The following ATG2B variants were observed in gnomAD, a reference collection of about 807,000 sequenced individuals.
ATG2B encodes autophagy related 2B, also known as autophagy-related protein 2 homolog B.
ATG2B carries 121 observed loss-of-function variants against 241.3 expected under a neutral mutation model. The ratio of observed to expected loss-of-function variants is 0.50; its 90% CI spans 0.43 to 0.58. ATG2B has a LOEUF of 0.58. Ranked by LOEUF, ATG2B falls within the 20% of genes least tolerant of loss-of-function variation. The pLI, the probability that ATG2B is intolerant of heterozygous loss-of-function variation, is 0.00. For synonymous variants in ATG2B, 858 were observed against 876.6 expected, an observed-to-expected ratio of 0.98 and a Z score of 0.37; for missense variants, 2,306 against 2,491.6, an observed-to-expected ratio of 0.93 and a Z score of 1.59.
In ATG2B at chr14:96,291,692, T is replaced by TA; in HGVS notation, c.5497-11dup. On this transcript the variant is annotated splice_polypyrimidine_tract_variant and intron_variant, in intron 37 of 41. Coordinates refer to ENST00000359933, the MANE Select transcript of ATG2B (RefSeq NM_018036.7). ...TCCCAGCTAGCGTACCCTTCAAAATTAAAAAAGGCCAAATTAACCTTACTG... is the reference window on the plus strand; with the variant it reads ...TCCCAGCTAGCGTACCCTTCAAAATTAAAAAAAGGCCAAATTAACCTTACTG... 1 of 1,590,088 alleles carries TA rather than the reference T, an allele frequency of 6.3e-7. No homozygotes were observed.
At chr14:96,314,434 G>A (rs1169678815) in intron 23 of ATG2B, among the ~76,000 whole-genome samples, 1 of 152,154 alleles carries the variant, frequency 6.6e-6, no homozygotes, top group Non-Finnish European at 1.5e-5. Context: ...ATGCTTTAAA[G>A]CAACATCATA....
At position 96,344,207 on chromosome 14, in the gene ATG2B, C is replaced by T. The variant is rs1019265545; in HGVS notation, c.581+447G>A. On this transcript the variant is annotated intron_variant, in intron 4 of 41. Coordinates refer to ENST00000359933, the MANE Select transcript of ATG2B (RefSeq NM_018036.7). ...TGCACATATTAACCTTAAAATAATC[C>T]GTAGAGGATCCTCAAAACAGTGGCC... Among the ~76,000 whole-genome samples the T allele has an allele frequency of 7.2e-5, 11 of 152,218 alleles. No individual in the cohort carries two copies. In the East Asian group the frequency reaches 9.6e-4, roughly 13 times the overall value.
chr14:96,302,208 C>A, intron 33 of ATG2B, 100 bp from the exon 34 acceptor site: 1 of 709,558 alleles, frequency 1.4e-6, no homozygotes, highest in Non-Finnish European at 2.3e-6. Context: ...ATTCCTATAC[C>A]ATATGAGAAA....
At chr14:96,308,254 A>ATTTT (rs1887034441) in intron 29 of ATG2B, among the ~76,000 whole-genome samples, 1 of 12,436 alleles carries the variant, frequency 8.0e-5, no homozygotes, top group Non-Finnish European at 1.9e-4. Context: ...ATATATATAC[A>ATTTT]CACATATATA....
Position 96,347,188 on chromosome 14 carries a change from G to T in ATG2B, c.316C>A (p.Pro106Thr). 1 of 1,589,252 alleles carries T rather than the reference G, an allele frequency of 6.3e-7. No individual in the cohort carries two copies. The highest frequency in any genetic ancestry group is 1.3e-5 in the African/African-American group (1 of 74,732). ...CATACAACACACCAACCTGGGCGAG[G>T]TCTAGGCCGGAAGACCATTTCTAAT... ...RGLEMVFRPR[P>T]RPATGSEPMY... Residue 106 changes from proline (P) to threonine (T), a missense_variant, in exon 2 of 42, where the codon CCT becomes ACT. Transcript: ENST00000359933.
chr14:96,296,703 G>C (rs11846693), intron 34 of ATG2B, among the ~76,000 whole-genome samples: 52,290 of 150,494 alleles, frequency 0.35, 9,747 homozygotes, highest in Non-Finnish European at 0.42. Flanking sequence ...GGAGGCTGCA[G>C]TGAGCAGAGA....
rs1887801135 is a variant in ATG2B, at chr14:96,333,774, T to C, written c.1121A>G (p.Tyr374Cys). Reference protein sequence around the residue: ...YRIQMELNRYYLRKDSLSVGV... With the variant: ...YRIQMELNRYCLRKDSLSVGV... The stretch of plus-strand genomic sequence containing the variant: ...CACAGAGAGGGAATCTTTTCTCAAA[T>C]AATACCGGTTTAATTCCATCTGAAT... Residue 374 changes from tyrosine (Y) to cysteine (C), a missense_variant, in exon 8 of 42, where the codon TAT (tyrosine) becomes TGT (cysteine). Physicochemically the swap from Tyr to Cys is radical, Grantham distance 194. Around this residue, in one of 2 missense-constraint regions of ATG2B, gnomAD observed 1,927 missense variants for 2,011.2 expected, o/e 0.96. Coordinates refer to ENST00000359933, the MANE Select transcript of ATG2B (RefSeq NM_018036.7). 6.2e-7 allele frequency: 1 copy of C among 1,613,868 alleles called. No homozygotes were observed. Among genetic ancestry groups the C allele is most frequent in the African/African-American group, 1.3e-5 (1 of 74,922 alleles).
At position 96,341,684 on chromosome 14, in the gene ATG2B, G is replaced by C; in HGVS notation, c.762C>G (p.Leu254=). 1.3e-6 allele frequency: 2 copies of C among 1,577,220 alleles called. No homozygotes were observed. Among genetic ancestry groups the C allele is most frequent in the Non-Finnish European group, 1.7e-6 (2 of 1,160,046 alleles). Residue 254 remains leucine (L), a synonymous_variant, in exon 6 of 42, where the codon CTC becomes CTG. Transcript: ENST00000359933. ...TAATTTTGGGGTTCCAGCTAGGTGA[G>C]AGCTTTGGCTCAGTTTCCTACAATA... ...STAPVETEPK[L]SPSWNPKIIY...
At chr14:96,318,829 C>T (rs1051040298) in intron 18 of ATG2B, among the ~76,000 whole-genome samples, 1 of 152,132 alleles carries the variant, frequency 6.6e-6, no homozygotes, top group Non-Finnish European at 1.5e-5. Context: ...AGATCTGGAC[C>T]CACAGCATAT....
chr14:96,357,214 T>C (rs923870836), intron 1 of ATG2B, among the ~76,000 whole-genome samples: 1 of 152,198 alleles, frequency 6.6e-6, no homozygotes, highest in African/African-American at 2.4e-5. Flanking sequence ...AATTCTAACT[T>C]CCCTTGACTT....
At chr14:96,314,954 G>C (rs144623125) in intron 23 of ATG2B, among the ~76,000 whole-genome samples, 200 bp downstream of exon 23, 1 of 152,222 alleles carries the variant, frequency 6.6e-6, no homozygotes, top group Non-Finnish European at 1.5e-5. Flanking sequence ...GCTTCCCAAA[G>C]TGCTGGGATT....
At position 96,335,502 on chromosome 14, in the gene ATG2B, T is replaced by G. The variant is rs142600766; in HGVS notation, c.925-1001A>C. On this transcript the variant is annotated intron_variant, in intron 6 of 41. Transcript: ENST00000359933. Reference sequence around the variant, plus strand: ...GCTAAGTGCTTTTATATATATTTCCTCTAATTCTTATTAATGTTCCTGTTT... The same window carrying G: ...GCTAAGTGCTTTTATATATATTTCCGCTAATTCTTATTAATGTTCCTGTTT... Among the ~76,000 whole-genome samples, 670 of 152,290 alleles carry G rather than the reference T, an allele frequency of 4.4e-3. 26 individuals carry two copies. The South Asian group carries it at 0.067, about 15-fold the overall frequency.
At chr14:96,337,994 G>C (rs1300307858) in intron 6 of ATG2B, among the ~76,000 whole-genome samples, 2 of 152,060 alleles carry the variant, frequency 1.3e-5, no homozygotes, top group African/African-American at 4.8e-5. Flanking sequence ...CAGCTCCTTG[G>C]TTAAGTATAT....
chr14:96,293,396 A>C (rs1000825978), intron 36 of ATG2B, among the ~76,000 whole-genome samples: 2 of 151,996 alleles, frequency 1.3e-5, no homozygotes, highest in African/African-American at 4.8e-5. Context: ...CATTTATTTT[A>C]ATTATTTGTA....
chr14:96,327,260 TAATAAAC>T (rs1217787968), intron 14 of ATG2B, among the ~76,000 whole-genome samples: 2 of 111,402 alleles, frequency 1.8e-5, no homozygotes, highest in African/African-American at 6.5e-5. Flanking sequence ...ATAATAATAA[TAATAAAC>T]AATGCTAATT....
rs1473295269 is a variant in ATG2B, at chr14:96,307,011, C to A, written c.4304-95G>T. Reference sequence around the variant, plus strand: ...GTCAGATATATGTTGTGTGCTTTTACCTGCAATATCTCATTTATTTCCTAA... The same window carrying A: ...GTCAGATATATGTTGTGTGCTTTTAACTGCAATATCTCATTTATTTCCTAA... On this transcript the variant is annotated intron_variant, in intron 29 of 41. Transcript: ENST00000359933. 8 of 974,342 alleles carry A rather than the reference C, an allele frequency of 8.2e-6. No individual in the cohort carries two copies. In the African/African-American group the frequency reaches 1.3e-4, roughly 16 times the overall value. The allele number at this position is 974,342 out of a possible 1,614,324, so 60.4% of individuals were successfully genotyped here.
In ATG2B at chr14:96,296,003, G is replaced by A. The variant is rs529713221; in HGVS notation, c.5140-443C>T. Among the ~76,000 whole-genome samples the A allele has an allele frequency of 1.2e-4, 18 of 152,238 alleles. No homozygotes were observed. In the South Asian group the frequency reaches 3.7e-3, roughly 32 times the overall value. Reference sequence around the variant, plus strand: ...GGAGTCTCGCTCTGTCGCCAGGCTGGAGTGCAGTGGCACAATCTCGGCTCA... The same window carrying A: ...GGAGTCTCGCTCTGTCGCCAGGCTGAAGTGCAGTGGCACAATCTCGGCTCA... On this transcript the variant is annotated intron_variant, in intron 34 of 41. Coordinates refer to ENST00000359933, the MANE Select transcript of ATG2B (RefSeq NM_018036.7).
At chr14:96,296,718 G>A (rs1484411154) in intron 34 of ATG2B, among the ~76,000 whole-genome samples, 3 of 148,368 alleles carry the variant, frequency 2.0e-5, no homozygotes, top group East Asian at 2.0e-4. Flanking sequence ...CAGAGATCAC[G>A]CCATTGCACT....
rs561183709 is a variant in ATG2B, at chr14:96,331,363, T to A, written c.1730+13A>T. The A allele has an allele frequency of 6.2e-7, 1 of 1,602,724 alleles. No individual in the cohort carries two copies. Among genetic ancestry groups the A allele is most frequent in the Non-Finnish European group, 8.5e-7 (1 of 1,175,574 alleles). On this transcript the variant is annotated intron_variant, in intron 11 of 41. Coordinates refer to ENST00000359933, the MANE Select transcript of ATG2B (RefSeq NM_018036.7). ...AAGTTTAAAGGATCATTAATACATA[T>A]GTGAGAGTTTACCTAAGGTGATCGT...
Sources: allele counts gnomAD v4.1 joint callset (sites outside exome capture counted in the v4.1 genomes callset), GRCh38; gene constraint gnomAD v4.1.1; regional missense constraint gnomAD v4.1.1; transcripts MANE v1.5; gene names NCBI Gene and HGNC (gene_info 2026-07-23, HGNC 2026-07-21).